Variants in SQOR observed in about 807,000 individuals in gnomAD.
The protein encoded by SQOR is sulfide:quinone oxidoreductase, mitochondrial.
Under a neutral mutation model 48.6 loss-of-function variants are expected in SQOR, and 39 were observed. That is an observed-to-expected ratio of 0.80 (90% CI 0.62 to 1.05). SQOR has a LOEUF of 1.05. Ranked by LOEUF, SQOR falls within the 50% of genes least tolerant of loss-of-function variation. The probability of loss-of-function intolerance (pLI) is 0.00; values close to 1 mark genes in which losing one functional copy is unlikely to be tolerated. For synonymous variants in SQOR, 220 were observed against 206.2 expected (o/e 1.07, Z -0.57); for missense variants, 561 against 559.9 (o/e 1.00, Z -0.02).
At chr15:45,656,862 T>A (rs1171659128) in intron 1 of SQOR, among the ~76,000 whole-genome samples, 2 of 122,272 alleles carry the variant, frequency 1.6e-5, no homozygotes, top group African/African-American at 6.1e-5. Context: ...TGGAGTGCAG[T>A]GGCATGATCT....
At chr15:45,689,017 T>G in intron 8 of SQOR, 22 bp from the exon 9 acceptor site, 1 of 1,608,910 alleles carries the variant, frequency 6.2e-7, no homozygotes, top group Non-Finnish European at 8.5e-7. Flanking sequence ...ACTTTCCAAC[T>G]CAGTCTGATT....
intron 1 of SQOR, among the ~76,000 whole-genome samples, chr15:45,637,858 T>C (rs932179498): frequency 1.3e-5 from 2 of 152,240 alleles, no homozygotes; most frequent in Non-Finnish European, 2.9e-5. Flanking sequence ...TAGATGTACT[T>C]TTTTCTTCTC....
At chr15:45,690,806 G>T (rs62008319) in intron 9 of SQOR, among the ~76,000 whole-genome samples, 167 bp from the exon 10 acceptor site, 15,248 of 152,222 alleles carry the variant, frequency 0.1, 922 homozygotes, top group Middle Eastern at 0.21. Context: ...ATGGAAGTAG[G>T]TTGTCCCCTC....
chr15:45,634,728 C>G (rs1238464700), upstream of SQOR: 1 of 152,298 alleles, frequency 6.6e-6, no homozygotes, highest in Non-Finnish European at 1.5e-5. Context: ...GCTGTTGGCA[C>G]CCAGGGGCGG....
At chr15:45,641,704 G>A (rs1271152740) in intron 1 of SQOR, among the ~76,000 whole-genome samples, 1 of 152,098 alleles carries the variant, frequency 6.6e-6, no homozygotes, top group Non-Finnish European at 1.5e-5. Flanking sequence ...ATCCTTTCTC[G>A]GAACAACACT....
chr15:45,650,185 G>A (rs1889448020), intron 1 of SQOR, among the ~76,000 whole-genome samples: 1 of 152,138 alleles, frequency 6.6e-6, no homozygotes, highest in African/African-American at 2.4e-5. Context: ...TGTCGCCCAG[G>A]CTAGAGTGCA....
At chr15:45,681,280 C>T (rs1890123358) in intron 6 of SQOR, among the ~76,000 whole-genome samples, 1 of 152,212 alleles carries the variant, frequency 6.6e-6, no homozygotes, top group South Asian at 2.1e-4. Context: ...ACCATTTCAT[C>T]CATTATCCTG....
intron 4 of SQOR, 100 bp downstream of exon 4, chr15:45,670,081 G>T (rs1280561345): frequency 1.8e-6 from 2 of 1,129,138 alleles, no homozygotes; most frequent in Non-Finnish European, 1.3e-6. Flanking sequence ...CAAGAAAGGG[G>T]TTCTAAGAAA....
In SQOR at chr15:45,684,434, G is replaced by A. The variant is rs1890184661; in HGVS notation, c.1048+1773G>A. 2.6e-5 allele frequency among the ~76,000 whole-genome samples: 4 copies of A among 152,074 alleles called. No homozygotes were observed. The South Asian group carries it at 8.3e-4, about 32-fold the overall frequency. On this transcript the variant is annotated intron_variant, in intron 7 of 9. Coordinates refer to ENST00000260324, the MANE Select transcript of SQOR (RefSeq NM_021199.4). The stretch of plus-strand genomic sequence containing the variant: ...GTAGAATACCCCAAAATTTAGAATT[G>A]TCTAGTTGCTTTCTTACGGTTAGAT...
chr15:45,669,020 CAA>C (rs1240621134), intron 3 of SQOR, among the ~76,000 whole-genome samples: 1 of 151,866 alleles, frequency 6.6e-6, no homozygotes, highest in Admixed American at 6.6e-5. Flanking sequence ...TGAGATTGCT[CAA>C]AAGAGCAATC....
chr15:45,689,446 C>G, intron 9 of SQOR: 1 of 309,704 alleles, frequency 3.2e-6, no homozygotes, highest in Non-Finnish European at 5.8e-6. Context: ...GAGACAGAGT[C>G]TTGCTCTGTT....
At chr15:45,654,165 T>C (rs1041187579) in intron 1 of SQOR, among the ~76,000 whole-genome samples, 2 of 152,118 alleles carry the variant, frequency 1.3e-5, no homozygotes, top group African/African-American at 4.8e-5. Flanking sequence ...TTCTGCATTA[T>C]TGCCCTGGTT....
chr15:45,643,186 ACT>A (rs1426165566), intron 1 of SQOR, among the ~76,000 whole-genome samples: 29 of 152,236 alleles, frequency 1.9e-4, no homozygotes, highest in African/African-American at 5.8e-4. Context: ...CTCAATGAAT[ACT>A]TGTGGACACA....
intron 4 of SQOR, 31 bp downstream of exon 4, chr15:45,670,012 T>A: frequency 6.2e-7 from 1 of 1,605,934 alleles, no homozygotes; most frequent in Non-Finnish European, 8.5e-7. Flanking sequence ...TGTGTTACGC[T>A]GGCTTATCTA....
chr15:45,648,453 G>A (rs1238077513), intron 1 of SQOR, among the ~76,000 whole-genome samples: 2 of 152,246 alleles, frequency 1.3e-5, no homozygotes, highest in East Asian at 3.8e-4. Context: ...TGGGATTACA[G>A]GCGTGAGCCA....
chr15:45,668,062 A>G (rs1384955360), intron 3 of SQOR, among the ~76,000 whole-genome samples: 1 of 148,494 alleles, frequency 6.7e-6, no homozygotes. Context: ...CTTCTGCCTC[A>G]GCCTCCTGAG....
chr15:45,688,966 A>G, intron 8 of SQOR, 73 bp from the exon 9 acceptor site: 2 of 1,237,702 alleles, frequency 1.6e-6, no homozygotes, highest in Non-Finnish European at 1.1e-6. Context: ...ACAGCAAATA[A>G]TAAATTCTAT....
intron 3 of SQOR, among the ~76,000 whole-genome samples, chr15:45,666,856 T>C (rs189609534): frequency 1.8e-3 from 19 of 10,756 alleles, no homozygotes; most frequent in Non-Finnish European, 2.5e-3. Flanking sequence ...CCTCCTCTCC[T>C]CTCCCCTCCC....
upstream of SQOR, among the ~76,000 whole-genome samples, chr15:45,632,404 T>G (rs993426222): frequency 4.6e-5 from 7 of 151,910 alleles, no homozygotes; most frequent in African/African-American, 1.7e-4. Flanking sequence ...GTATTTTTAG[T>G]AGAGACGGGG....
Sources: allele counts gnomAD v4.1 joint callset (sites outside exome capture counted in the v4.1 genomes callset), GRCh38; gene constraint gnomAD v4.1.1; transcripts MANE v1.5; gene names NCBI Gene and HGNC (gene_info 2026-07-23, HGNC 2026-07-21).